PBX1: variants seen among roughly 807,000 people sequenced by gnomAD.
The protein encoded by PBX1 is PBX homeobox 1.
A neutral mutation model predicts 53.4 loss-of-function variants in PBX1; 6 were observed. The ratio of observed to expected loss-of-function variants is 0.11; its 90% CI spans 0.06 to 0.22. PBX1 has a LOEUF of 0.22. Among genes scored for constraint, PBX1 ranks in the 10% least tolerant of loss-of-function variants. The pLI, the probability that PBX1 is intolerant of heterozygous loss-of-function variation, is 1.00. For synonymous variants in PBX1, 204 were observed against 212.3 expected (o/e 0.96, Z 0.34); for missense variants, 251 against 551.4 (o/e 0.46, Z 5.46).
At position 164,635,596 on chromosome 1, in the gene PBX1, C is replaced by T. The variant is rs552448655; in HGVS notation, c.265+72285C>T. On this transcript the variant is annotated intron_variant, in intron 2 of 8. Coordinates refer to ENST00000420696, the MANE Select transcript of PBX1 (RefSeq NM_002585.4). ...CGGGCTGCGCCATTCTCCCGCTCGTCTCGCCACGCTTTTCACCCTCCATCC... is the reference window on the plus strand; with the variant it reads ...CGGGCTGCGCCATTCTCCCGCTCGTTTCGCCACGCTTTTCACCCTCCATCC... Among the ~76,000 whole-genome samples, 3 of 152,364 alleles carry T rather than the reference C, an allele frequency of 2.0e-5. No homozygotes were observed. In the South Asian group the frequency reaches 6.2e-4, roughly 32 times the overall value.
intron 2 of PBX1, among the ~76,000 whole-genome samples, chr1:164,566,693 GT>G (rs1653456454): frequency 6.6e-6 from 1 of 152,128 alleles, no homozygotes; most frequent in South Asian, 2.1e-4. Flanking sequence ...ATTTCCTGAT[GT>G]TTTTTATTCC....
intron 2 of PBX1, among the ~76,000 whole-genome samples, chr1:164,773,375 C>G (rs1422397685): frequency 6.6e-6 from 1 of 152,106 alleles, no homozygotes; most frequent in Non-Finnish European, 1.5e-5. Flanking sequence ...ATTCCTATTT[C>G]AAACACTGCT....
At position 164,848,789 on chromosome 1, in the gene PBX1, A is replaced by G. The variant is rs1349535088; in HGVS notation, c.*2113A>G. The stretch of plus-strand genomic sequence containing the variant: ...GTGAGAATGGGCAGCTAGCAAGAAC[A>G]TGGAAATTCTGCTTGGCACTACAGT... On this transcript the variant is annotated 3_prime_UTR_variant, in exon 9 of 9. Coordinates refer to ENST00000420696, the MANE Select transcript of PBX1 (RefSeq NM_002585.4). The G allele has an allele frequency of 3.8e-6, 4 of 1,062,202 alleles. No homozygotes were observed. Among genetic ancestry groups the G allele is most frequent in the Non-Finnish European group, 4.6e-6 (4 of 877,424 alleles). 65.8% of individuals were successfully genotyped at this position (1,062,202 alleles called of 1,614,324 possible).
intron 2 of PBX1, among the ~76,000 whole-genome samples, chr1:164,647,002 G>A (rs540526640): frequency 2.4e-4 from 37 of 152,342 alleles, no homozygotes; most frequent in Non-Finnish European, 4.4e-4. Flanking sequence ...AGCCTTCCTG[G>A]TAGTAAGGGG....
intron 2 of PBX1, among the ~76,000 whole-genome samples, chr1:164,633,070 A>G (rs540092928): frequency 2.6e-5 from 4 of 152,308 alleles, no homozygotes; most frequent in African/African-American, 9.6e-5. Context: ...TAAGTCCACC[A>G]TAACATCCTC....
chr1:164,697,853 C>G (rs1662879349), intron 2 of PBX1, among the ~76,000 whole-genome samples: 1 of 152,288 alleles, frequency 6.6e-6, no homozygotes, highest in African/African-American at 2.4e-5. Flanking sequence ...TTCTTTGCCT[C>G]AGTGGTTTAG....
rs2102426476 is a variant in PBX1, at chr1:164,849,450, T to G, written c.*2774T>G. 1 of 1,535,188 alleles carries G rather than the reference T, an allele frequency of 6.5e-7. No individual in the cohort carries two copies. The highest frequency in any genetic ancestry group is 1.2e-5 in the South Asian group (1 of 84,022). On this transcript the variant is annotated 3_prime_UTR_variant, in exon 9 of 9. Coordinates refer to ENST00000420696, the MANE Select transcript of PBX1 (RefSeq NM_002585.4). ...CAGGAGAACACTGAGAGCAGCAGGA[T>G]GGGTTTGGAAAGAGCATGCCTCTGG...
At chr1:164,818,836 A>C (rs759388187) in intron 6 of PBX1, 3 of 152,158 alleles carry the variant, frequency 2.0e-5, no homozygotes, top group African/African-American at 4.8e-5. Flanking sequence ...TCTTCTGCTT[A>C]GCTGCACCTC....
intron 2 of PBX1, among the ~76,000 whole-genome samples, chr1:164,698,197 C>A (rs1221090330): frequency 6.6e-6 from 1 of 151,962 alleles, no homozygotes; most frequent in African/African-American, 2.4e-5. Flanking sequence ...AAAGAAATAC[C>A]ACGGTCCCTC....
intron 2 of PBX1, among the ~76,000 whole-genome samples, chr1:164,584,735 G>A (rs1217286587): frequency 1.3e-5 from 2 of 152,130 alleles, no homozygotes; most frequent in African/African-American, 4.8e-5. Flanking sequence ...ATCAGACTAG[G>A]AAGCTGGCTG....
intron 3 of PBX1, among the ~76,000 whole-genome samples, chr1:164,793,301 A>G (rs535839480): frequency 1.3e-5 from 2 of 152,292 alleles, no homozygotes; most frequent in Admixed American, 6.5e-5. Flanking sequence ...AATATATGGT[A>G]TGGAATATGA....
At chr1:164,879,517 G>A (rs1241595592) in intron 2 of PBX1, among the ~76,000 whole-genome samples, 2 of 152,182 alleles carry the variant, frequency 1.3e-5, no homozygotes, top group Non-Finnish European at 2.9e-5. Context: ...TGTAACAGAA[G>A]ATCTAAGTGG....
chr1:164,780,438 G>C (rs546431372), intron 2 of PBX1, among the ~76,000 whole-genome samples: 24 of 152,302 alleles, frequency 1.6e-4, no homozygotes, highest in African/African-American at 5.5e-4. Flanking sequence ...GCCTTGTTCA[G>C]GATGGAATTT....
At chr1:164,791,730 TG>T (rs2102300218) in intron 2 of PBX1, among the ~76,000 whole-genome samples, 1 of 152,264 alleles carries the variant, frequency 6.6e-6, no homozygotes, top group South Asian at 2.1e-4. Flanking sequence ...TTAGGTAGTA[TG>T]GGGATGAAAG....
At chr1:164,575,687 G>A (rs868572585) in intron 2 of PBX1, among the ~76,000 whole-genome samples, 3 of 152,202 alleles carry the variant, frequency 2.0e-5, no homozygotes, top group African/African-American at 4.8e-5. Context: ...CTATGGATAT[G>A]AGGGTGTAGA....
At chr1:164,882,028 TA>T (rs1672671684) in intron 2 of PBX1, among the ~76,000 whole-genome samples, 1 of 152,212 alleles carries the variant, frequency 6.6e-6, no homozygotes. Context: ...TGCTCCCTGA[TA>T]TCCTTCTGAT....
At chr1:164,777,723 T>C (rs1667739712) in intron 2 of PBX1, among the ~76,000 whole-genome samples, 1 of 152,228 alleles carries the variant, frequency 6.6e-6, no homozygotes, top group South Asian at 2.1e-4. Flanking sequence ...GTTGCCATCC[T>C]GTCCTCAGTT....
At chr1:164,666,391 C>T (rs898868405) in intron 2 of PBX1, among the ~76,000 whole-genome samples, 1 of 152,086 alleles carries the variant, frequency 6.6e-6, no homozygotes, top group Non-Finnish European at 1.5e-5. Flanking sequence ...TATAAATATG[C>T]CTAAGGTTTC....
intron 2 of PBX1, among the ~76,000 whole-genome samples, chr1:164,664,366 T>A (rs2635037): frequency 0.97 from 148,214 of 152,266 alleles, 72,279 homozygotes; most frequent in East Asian, 1. Context: ...ACAACTGGTG[T>A]TGGCCGTACC....
Sources: allele counts gnomAD v4.1 joint callset (sites outside exome capture counted in the v4.1 genomes callset), GRCh38; gene constraint gnomAD v4.1.1; transcripts MANE v1.5; gene names NCBI Gene and HGNC (gene_info 2026-07-23, HGNC 2026-07-21).